ANO10: variants seen among roughly 807,000 people sequenced by gnomAD.
ANO10 encodes anoctamin-10.
A neutral mutation model predicts 74.7 loss-of-function variants in ANO10; 77 were observed. The ratio of observed to expected loss-of-function variants is 1.03; its 90% CI spans 0.86 to 1.25. The LOEUF (loss-of-function observed/expected upper bound fraction) is 1.25, where lower values mean the gene tolerates loss of function less well. ANO10 is among the 50% of genes most tolerant of loss of function. The probability of loss-of-function intolerance (pLI) is 0.00; values close to 1 mark genes in which losing one functional copy is unlikely to be tolerated. For missense variants in ANO10, 721 were observed against 778.1 expected (o/e 0.93, Z 0.87); for synonymous variants, 279 against 284.9 (o/e 0.98, Z 0.21).
intron 1 of ANO10, among the ~76,000 whole-genome samples, chr3:43,656,547 G>C (rs1225099228): frequency 1.3e-5 from 2 of 152,246 alleles, no homozygotes; most frequent in African/African-American, 4.8e-5. Context: ...AGGCATGGCG[G>C]GCTGCAGGTA....
intron 1 of ANO10, among the ~76,000 whole-genome samples, chr3:43,652,391 A>C (rs996796966): frequency 6.6e-6 from 1 of 152,228 alleles, no homozygotes; most frequent in African/African-American, 2.4e-5. Flanking sequence ...GAGTGACAAG[A>C]TAATTTGATG....
intron 1 of ANO10, among the ~76,000 whole-genome samples, chr3:43,665,597 T>C (rs770715185): frequency 6.6e-6 from 1 of 152,150 alleles, no homozygotes; most frequent in Non-Finnish European, 1.5e-5. Context: ...GAACTCAAGT[T>C]TGCCTTCTTT....
At chr3:43,689,495 T>C (rs1454102135) in intron 1 of ANO10, 3 of 152,228 alleles carry the variant, frequency 2.0e-5, no homozygotes, top group African/African-American at 7.2e-5. Flanking sequence ...ATGTTTTTTA[T>C]ATGTTCTGGT....
At chr3:43,656,504 C>G (rs943671678) in intron 1 of ANO10, among the ~76,000 whole-genome samples, 1 of 152,114 alleles carries the variant, frequency 6.6e-6, no homozygotes, top group Non-Finnish European at 1.5e-5. Flanking sequence ...AGGCTCGGGC[C>G]GCACAGGAGC....
chr3:43,469,375 C>T (rs1050296480), intron 11 of ANO10, among the ~76,000 whole-genome samples: 11 of 152,032 alleles, frequency 7.2e-5, no homozygotes, highest in African/African-American at 1.7e-4. Flanking sequence ...ATTTGCCCCG[C>T]GGACAATTCC....
At chr3:43,475,810 C>T (rs1353428440) in intron 11 of ANO10, among the ~76,000 whole-genome samples, 1 of 152,078 alleles carries the variant, frequency 6.6e-6, no homozygotes, top group Non-Finnish European at 1.5e-5. Context: ...CCATGTTGGC[C>T]AGGCTGGTCT....
chr3:43,509,396 G>A (rs139941821), intron 11 of ANO10, among the ~76,000 whole-genome samples: 119 of 152,148 alleles, frequency 7.8e-4, no homozygotes, highest in Non-Finnish European at 1.2e-3. Context: ...CAAAAACATA[G>A]ACATTTCACT....
chr3:43,417,350 T>C (rs187550583), intron 12 of ANO10, among the ~76,000 whole-genome samples: 129 of 152,212 alleles, frequency 8.5e-4, no homozygotes, highest in African/African-American at 2.8e-3. Flanking sequence ...CATAATAACA[T>C]TAGGGTGGGG....
intron 8 of ANO10, among the ~76,000 whole-genome samples, chr3:43,561,824 T>C (rs1313981680): frequency 1.3e-5 from 2 of 152,206 alleles, no homozygotes; most frequent in Non-Finnish European, 2.9e-5. Context: ...GTACAATTAT[T>C]TGTCAATTCT....
chr3:43,538,585 G>T (rs918228581), intron 11 of ANO10, among the ~76,000 whole-genome samples: 1 of 152,160 alleles, frequency 6.6e-6, no homozygotes, highest in South Asian at 2.1e-4. Context: ...CAGGCATAAA[G>T]AACTGGGATC....
At position 43,366,492 on chromosome 3, in the gene ANO10, G is replaced by A. The variant is rs1042728751; in HGVS notation, c.*414C>T. The A allele has an allele frequency of 1.3e-4, 44 of 345,756 alleles. 1 individual carries two copies. The highest frequency in any genetic ancestry group is 2.5e-4 in the Non-Finnish European group (44 of 178,056). The allele number at this position is 345,756 out of a possible 1,614,324, so 21.4% of individuals were successfully genotyped here. On this transcript the variant is annotated 3_prime_UTR_variant, in exon 13 of 13. Coordinates refer to ENST00000292246, the MANE Select transcript of ANO10 (RefSeq NM_018075.5). ...CTCTCAACTGAGGCTCCTGTGATGA[G>A]CACAGTGGGCACACACCCCATCCCC...
At chr3:43,551,797 T>A (rs2149314261) in intron 10 of ANO10, among the ~76,000 whole-genome samples, 1 of 152,346 alleles carries the variant, frequency 6.6e-6, no homozygotes, top group Middle Eastern at 3.4e-3. Context: ...TTTTCTATTC[T>A]TTTACTTTAA....
intron 1 of ANO10, among the ~76,000 whole-genome samples, chr3:43,639,672 A>G (rs1353196497): frequency 6.6e-6 from 1 of 151,812 alleles, no homozygotes; most frequent in African/African-American, 2.4e-5. Flanking sequence ...GCTACTCAGG[A>G]GGCTGAGGCA....
intron 12 of ANO10, among the ~76,000 whole-genome samples, chr3:43,431,429 T>C (rs1419771733): frequency 6.6e-6 from 1 of 151,838 alleles, no homozygotes; most frequent in African/African-American, 2.4e-5. Context: ...AACTTATCTC[T>C]TCCTCTTATA....
At chr3:43,685,726 G>T (rs1326214061) in intron 1 of ANO10, among the ~76,000 whole-genome samples, 2 of 152,198 alleles carry the variant, frequency 1.3e-5, no homozygotes, top group African/African-American at 2.4e-5. Flanking sequence ...TGAGCGAATT[G>T]ATCACTGATG....
chr3:43,572,968 G>A (rs938548538), intron 7 of ANO10, among the ~76,000 whole-genome samples: 28 of 151,410 alleles, frequency 1.8e-4, no homozygotes, highest in Admixed American at 1.4e-3. Context: ...AAGAAGCACC[G>A]TGGAGGAAGA....
intron 1 of ANO10, among the ~76,000 whole-genome samples, chr3:43,617,812 C>A (rs957283810): frequency 6.6e-6 from 1 of 152,076 alleles, no homozygotes; most frequent in Admixed American, 6.5e-5. Flanking sequence ...TCACCTTATT[C>A]CAGATTCAAA....
chr3:43,588,256 T>C (rs191657576), intron 4 of ANO10, among the ~76,000 whole-genome samples: 119 of 152,278 alleles, frequency 7.8e-4, no homozygotes, highest in African/African-American at 2.8e-3. Flanking sequence ...GGTAATGTTA[T>C]TAAGAATCAA....
At chr3:43,598,448 GTTC>G in intron 4 of ANO10, 81 bp downstream of exon 4, 2 of 1,368,554 alleles carry the variant, frequency 1.5e-6, no homozygotes, top group Non-Finnish European at 2.0e-6. Flanking sequence ...GTTTGTGTAA[GTTC>G]TTCTGTAAGA....
Sources: gnomAD v4.1 joint callset for allele counts (sites outside exome capture counted in the v4.1 genomes callset) on GRCh38, gnomAD v4.1.1 for gene constraint, MANE v1.5 for transcripts, NCBI Gene and HGNC (gene_info 2026-07-23, HGNC 2026-07-21) for gene names.